The following ANKMY1 variants were observed in gnomAD, a reference collection of about 807,000 sequenced individuals.
ANKMY1 encodes ankyrin repeat and MYND domain containing 1.
ANKMY1 carries 98 observed loss-of-function variants against 102.0 expected under a neutral mutation model. That is an observed-to-expected ratio of 0.96 (90% confidence interval 0.82 to 1.14). The LOEUF is 1.14. ANKMY1 is among the 50% of genes most tolerant of loss of function. ANKMY1 has a pLI of 0.00. For synonymous variants in ANKMY1, 582 were observed against 559.9 expected (o/e 1.04, Z -0.56); for missense variants, 1,330 against 1,347.6 (o/e 0.99, Z 0.20).
At chr2:240,554,449 C>G (rs2092033536) in intron 3 of ANKMY1, 1 of 163,078 alleles carries the variant, frequency 6.1e-6, no homozygotes, top group South Asian at 1.7e-4. Flanking sequence ...TTTTCAGTTT[C>G]AGCTGCATTG....
intron 4 of ANKMY1, among the ~76,000 whole-genome samples, chr2:240,550,116 C>T (rs1237646080): frequency 3.3e-5 from 5 of 151,846 alleles, no homozygotes; most frequent in Non-Finnish European, 5.9e-5. Context: ...GGAACCAACC[C>T]AAATGTCCAA....
chr2:240,514,466 C>T (rs1174540090), intron 9 of ANKMY1, among the ~76,000 whole-genome samples: 1 of 152,124 alleles, frequency 6.6e-6, no homozygotes, highest in Non-Finnish European at 1.5e-5. Flanking sequence ...TCCCACGAGT[C>T]CCAGAAGGAC....
intron 4 of ANKMY1, among the ~76,000 whole-genome samples, chr2:240,538,494 G>A (rs145301421): frequency 0.014 from 2,145 of 152,246 alleles, 19 homozygotes; most frequent in Non-Finnish European, 0.022. Context: ...TCAAATTCTC[G>A]TGGGGACTCA....
At position 240,499,868 on chromosome 2, in the gene ANKMY1, AG is replaced by A; in HGVS notation, c.2806+89del. On this transcript the variant is annotated intron_variant, in intron 15 of 17. Coordinates refer to ENST00000401804, the MANE Select transcript of ANKMY1 (RefSeq NM_001282771.3). This position sits in a 1 kb window ranked among gnomAD's most constrained non-coding sequence, Gnocchi z 4.2. ...CCAGGAAGGCCCCTCCAAGAGCCCC[AG>A]GGGGTCCAGATCTCCAGGGATAACA... 7 of 1,451,320 alleles carry A rather than the reference AG, an allele frequency of 4.8e-6. No individual in the cohort carries two copies. The highest frequency in any genetic ancestry group is 6.4e-6 in the Non-Finnish European group (7 of 1,089,346). The allele number at this position is 1,451,320 out of a possible 1,614,324, so 89.9% of individuals were successfully genotyped here.
intron 15 of ANKMY1, among the ~76,000 whole-genome samples, chr2:240,493,327 A>G (rs560195141): frequency 1.2e-4 from 18 of 150,916 alleles, no homozygotes; most frequent in African/African-American, 4.1e-4. Context: ...ACTCCATCTC[A>G]AAAAAAAAAT....
In ANKMY1 at chr2:240,499,846, G is replaced by A; in HGVS notation, c.2806+112C>T. 4.4e-6 allele frequency: 6 copies of A among 1,363,534 alleles called. No homozygotes were observed. Among genetic ancestry groups the A allele is most frequent in the South Asian group, 3.1e-5 (2 of 64,800 alleles). 84.5% of individuals were successfully genotyped at this position (1,363,534 alleles called of 1,614,324 possible). On this transcript the variant is annotated intron_variant, in intron 15 of 17. Transcript: ENST00000401804. This position sits in a 1 kb window ranked among gnomAD's most constrained non-coding sequence, Gnocchi z 4.2. ...GGACAAGCCGACGAGCCCAGCCCCAGGAAGGCCCCTCCAAGAGCCCCAGGG... is the reference window on the plus strand; with the variant it reads ...GGACAAGCCGACGAGCCCAGCCCCAAGAAGGCCCCTCCAAGAGCCCCAGGG...
Position 240,506,338 on chromosome 2 carries a change from T to C in ANKMY1, c.2526+1222A>G, listed in dbSNP as rs1458463430. On this transcript the variant is annotated intron_variant, in intron 13 of 17. Transcript: ENST00000401804. This position sits in a 1 kb window ranked among gnomAD's most constrained non-coding sequence, Gnocchi z 4.9. The stretch of plus-strand genomic sequence containing the variant: ...GCCCTATGAAGCTCCGAAAGAACAT[T>C]AGGGGGCCCCTCCCAGCCCCCAGGT... Among the ~76,000 whole-genome samples, 1 of 152,266 alleles carries C rather than the reference T, an allele frequency of 6.6e-6. No individual in the cohort carries two copies. The highest frequency in any genetic ancestry group is 3.4e-3 in the Middle Eastern group (1 of 294).
downstream of ANKMY1, among the ~76,000 whole-genome samples, chr2:240,477,109 G>A (rs546511736): frequency 2.0e-3 from 306 of 152,316 alleles, 2 homozygotes; most frequent in Non-Finnish European, 3.4e-3. Flanking sequence ...ACGAGGTCAG[G>A]AGTTTGAGAC....
intron 12 of ANKMY1, among the ~76,000 whole-genome samples, chr2:240,508,110 CG>C (rs1267564003): frequency 6.6e-6 from 1 of 152,264 alleles, no homozygotes; most frequent in Non-Finnish European, 1.5e-5. Flanking sequence ...GCCTCTGCAC[CG>C]GGGCACCAGT....
intron 4 of ANKMY1, among the ~76,000 whole-genome samples, chr2:240,532,946 G>A (rs771698266): frequency 3.3e-5 from 5 of 152,196 alleles, no homozygotes; most frequent in Admixed American, 3.3e-4. Flanking sequence ...GGCCTCAAGC[G>A]ATCCTCCTGC....
intron 15 of ANKMY1, among the ~76,000 whole-genome samples, chr2:240,483,914 T>G (rs1015788731): frequency 6.6e-6 from 1 of 152,128 alleles, no homozygotes; most frequent in Non-Finnish European, 1.5e-5. Flanking sequence ...CAACTCCCAC[T>G]TATGAGTGAG....
the ANKMY1 span, among the ~76,000 whole-genome samples, chr2:240,471,278 G>C: frequency 2.7e-4 from 18 of 67,744 alleles, no homozygotes; most frequent in Non-Finnish European, 4.7e-4. Context: ...TTTTTTTTTT[G>C]AGACAGAGTA....
chr2:240,525,689 G>C lies in ANKMY1; in HGVS notation c.1331C>G (p.Pro444Arg). Residue 444 changes from proline to arginine, a missense_variant, in exon 7 of 18, where the codon CCC (proline) becomes CGC (arginine). Pro to Arg is a moderately radical substitution (Grantham distance 103). Coordinates refer to ENST00000401804, the MANE Select transcript of ANKMY1 (RefSeq NM_001282771.3). ...AGTGGCCACCGGGGGGCTTACCTGG[G>C]GCTCAGGTATGGTCCGTTCAGCAAC... is the stretch of plus-strand genomic sequence containing the variant. ...PNVAERTIPE[P>R]QEPPKFPVVP... 6.2e-7 allele frequency: 1 copy of C among 1,613,872 alleles called. No individual in the cohort carries two copies. Among genetic ancestry groups the C allele is most frequent in the African/African-American group, 1.3e-5 (1 of 75,022 alleles).
intron 11 of ANKMY1, 128 bp from the exon 12 acceptor site, chr2:240,509,583 C>A: frequency 1.5e-6 from 1 of 670,224 alleles, no homozygotes; most frequent in South Asian, 2.0e-5. Context: ...CAACCATTAC[C>A]TTGCCTGACA....
At chr2:240,542,930 ATTAC>A (rs2089363697) in intron 4 of ANKMY1, among the ~76,000 whole-genome samples, 1 of 146,912 alleles carries the variant, frequency 6.8e-6, no homozygotes, top group Non-Finnish European at 1.5e-5. Context: ...GTAATAAGTA[ATTAC>A]TTATAATTAC....
At position 240,499,039 on chromosome 2, in the gene ANKMY1, G is replaced by A. The variant is rs557496261; in HGVS notation, c.2806+919C>T. Among the ~76,000 whole-genome samples, 11 of 152,260 alleles carry A rather than the reference G, an allele frequency of 7.2e-5. No homozygotes were observed. The highest frequency in any genetic ancestry group is 6.5e-5 in the Admixed American group (1 of 15,302). On this transcript the variant is annotated intron_variant, in intron 15 of 17. Transcript: ENST00000401804. This position sits in a 1 kb window ranked among gnomAD's most constrained non-coding sequence, Gnocchi z 4.2. ...GTCTCAGGTGTTCCTTTACAGCAACGCAAACGGACTAACAGCACGTGGAAG... is the reference window on the plus strand; with the variant it reads ...GTCTCAGGTGTTCCTTTACAGCAACACAAACGGACTAACAGCACGTGGAAG...
At chr2:240,508,325 C>A (rs2079469850) in intron 12 of ANKMY1, among the ~76,000 whole-genome samples, 1 of 152,258 alleles carries the variant, frequency 6.6e-6, no homozygotes, top group Non-Finnish European at 1.5e-5. Context: ...AGGGCCTAGC[C>A]CTGAGCAGGG....
At chr2:240,560,571 G>C, upstream of ANKMY1, 1 of 1,313,252 alleles carries the variant, frequency 7.6e-7, no homozygotes, top group Non-Finnish European at 9.7e-7. Context: ...GAGGCCTCTA[G>C]GACCCGGGGG....
intron 17 of ANKMY1, 58 bp downstream of exon 17, chr2:240,480,879 G>A: frequency 1.9e-6 from 3 of 1,569,214 alleles, no homozygotes; most frequent in Non-Finnish European, 2.6e-6. Flanking sequence ...CCCCAGGCCT[G>A]CGCCTTCGCC....
Sources: allele counts gnomAD v4.1 joint callset (sites outside exome capture counted in the v4.1 genomes callset), GRCh38; gene constraint gnomAD v4.1.1; non-coding constraint Gnocchi (gnomAD v3.1); transcripts MANE v1.5; gene names NCBI Gene and HGNC (gene_info 2026-07-23, HGNC 2026-07-21).